The following GUSB variants were observed in gnomAD, a reference collection of about 807,000 sequenced individuals.
GUSB encodes the protein beta-glucuronidase.
Under a neutral mutation model 74.6 loss-of-function variants are expected in GUSB, and 51 were observed. The ratio of observed to expected loss-of-function variants is 0.68; its 90% CI spans 0.55 to 0.86. The LOEUF is 0.86. Ranked by LOEUF, GUSB falls within the 40% of genes least tolerant of loss-of-function variation. The probability of loss-of-function intolerance (pLI) is 0.00; values close to 1 mark genes in which losing one functional copy is unlikely to be tolerated. For missense variants in GUSB, 736 were observed against 853.7 expected, an observed-to-expected ratio of 0.86 and a Z score of 1.72; for synonymous variants, 360 against 348.3, an observed-to-expected ratio of 1.03 and a Z score of -0.37.
chr7:65,970,138 G>A (rs1369923993), intron 9 of GUSB, 144 bp downstream of exon 9: 3 of 665,056 alleles, frequency 4.5e-6, no homozygotes, highest in South Asian at 3.1e-5. Flanking sequence ...GCAAGACCCT[G>A]TCTCTATCTT....
intron 1 of GUSB, among the ~76,000 whole-genome samples, chr7:65,981,364 T>G (rs952387289): frequency 4.0e-5 from 6 of 151,854 alleles, no homozygotes; most frequent in Non-Finnish European, 7.4e-5. Context: ...CCCAAGTAGC[T>G]GGGATTACAG....
At chr7:65,981,848 G>T in intron 1 of GUSB, 126 bp downstream of exon 1, 1 of 841,574 alleles carries the variant, frequency 1.2e-6, no homozygotes, top group Non-Finnish European at 1.8e-6. Context: ...CAAGCCCGTT[G>T]ACCTTTAACC....
intron 4 of GUSB, 146 bp downstream of exon 4, chr7:65,979,253 G>C (rs1934653718): frequency 1.1e-6 from 1 of 892,222 alleles, no homozygotes; most frequent in Non-Finnish European, 1.9e-6. Flanking sequence ...CGCTCACACA[G>C]GCTGAATTTT....
Position 65,960,818 on chromosome 7 carries a change from C to T in GUSB, c.*79G>A, listed in dbSNP as rs1023590215. The T allele has an allele frequency of 8.3e-6, 10 of 1,205,158 alleles. No individual in the cohort carries two copies. In the African/African-American group the frequency reaches 1.5e-4, roughly 18 times the overall value. 74.7% of individuals were successfully genotyped at this position (1,205,158 alleles called of 1,614,324 possible). A position where few individuals can be genotyped will look rare whatever the true frequency, so the allele number is the denominator to read the frequency against. On this transcript the variant is annotated 3_prime_UTR_variant, in exon 12 of 12. Transcript: ENST00000304895. ...AACGTTCTGGTCTGCCGTGAACAGT[C>T]CAGGAGGCACTTGTTCTGCTGCTGT... is the stretch of plus-strand genomic sequence containing the variant.
At chr7:65,963,884 A>C (rs1240821617) in intron 11 of GUSB, among the ~76,000 whole-genome samples, 6 of 152,192 alleles carry the variant, frequency 3.9e-5, no homozygotes, top group African/African-American at 1.4e-4. Context: ...AGATGCGTTG[A>C]AACTCACCTG....
intron 10 of GUSB, among the ~76,000 whole-genome samples, chr7:65,965,598 T>C (rs1260237131): frequency 6.6e-6 from 1 of 152,164 alleles, no homozygotes; most frequent in Non-Finnish European, 1.5e-5. Flanking sequence ...GGTGCAATCA[T>C]AGCTGAATGC....
At chr7:65,973,418 C>T (rs1791344499) in intron 8 of GUSB, among the ~76,000 whole-genome samples, 1 of 152,270 alleles carries the variant, frequency 6.6e-6, no homozygotes, top group Non-Finnish European at 1.5e-5. Context: ...GAAACCCCGT[C>T]TCTGCTAAAA....
Position 65,976,369 on chromosome 7 carries a change from A to G in GUSB, c.725-167T>C, listed in dbSNP as rs75767674. ...GAGACGGAGTCTCACTCTGTCCCCC[A>G]GGCTGGAGTGCAGTGGCATGATCTC... On this transcript the variant is annotated intron_variant, in intron 4 of 11. Coordinates refer to ENST00000304895, the MANE Select transcript of GUSB (RefSeq NM_000181.4). Among the ~76,000 whole-genome samples the G allele has an allele frequency of 3.3e-4, 50 of 151,394 alleles. 1 individual carries two copies. In the East Asian group the frequency reaches 9.0e-3, roughly 27 times the overall value.
rs117710913 is a variant in GUSB at position 65,978,910 on chromosome 7, C to T, written c.724+489G>A. On this transcript the variant is annotated intron_variant, in intron 4 of 11. Transcript: ENST00000304895. ...CTCCTGCCTCAGCAGCTGGGACTAC[C>T]GGCACACATCACCATCCCTGGCTAA... Among the ~76,000 whole-genome samples, 8 of 152,204 alleles carry T rather than the reference C, an allele frequency of 5.3e-5. No individual in the cohort carries two copies. In the East Asian group the frequency reaches 1.4e-3, roughly 26 times the overall value.
At chr7:65,973,176 G>A (rs1791326801) in intron 8 of GUSB, among the ~76,000 whole-genome samples, 1 of 152,176 alleles carries the variant, frequency 6.6e-6, no homozygotes, top group Non-Finnish European at 1.5e-5. Flanking sequence ...AATTAGCCGG[G>A]CACGGTGGCT....
In GUSB at chr7:65,982,162, C is replaced by A. The variant is rs376505707; in HGVS notation, c.22G>T (p.Ala8Ser). 22 of 1,518,962 alleles carry A rather than the reference C, an allele frequency of 1.4e-5. No homozygotes were observed. Among genetic ancestry groups the A allele is most frequent in the African/African-American group, 7.1e-5 (5 of 70,286 alleles). 94.1% of individuals were successfully genotyped at this position (1,518,962 alleles called of 1,614,324 possible). The change falls in exon 1 of 12, where the codon GCC becomes TCC. Residue 8 changes from alanine (A) to serine (S), a missense_variant. Physicochemically the swap from Ala to Ser is moderately conservative, Grantham distance 99. This residue lies in a region of GUSB where 368 missense variants were observed against 363.8 expected (regional missense o/e 1.01). Coordinates refer to ENST00000304895, the MANE Select transcript of GUSB (RefSeq NM_000181.4). MARGSAV[A>S]WAALGPLLWG... ...AACAACGGCCCGAGCGCCGCCCAGGCAACCGCCGACCCCCGGGCCATGCTT... is the reference window on the plus strand; with the variant it reads ...AACAACGGCCCGAGCGCCGCCCAGGAAACCGCCGACCCCCGGGCCATGCTT...
chr7:65,975,118 C>T (rs780846148), intron 5 of GUSB, 47 bp from the exon 6 acceptor site: 1 of 1,590,016 alleles, frequency 6.3e-7, no homozygotes, highest in Non-Finnish European at 8.6e-7. Context: ...CAGCCTGAGC[C>T]CCATCCGGCC....
At chr7:65,965,074 AATAT>A (rs560915826) in intron 10 of GUSB, among the ~76,000 whole-genome samples, 1 of 118,592 alleles carries the variant, frequency 8.4e-6, no homozygotes, top group Non-Finnish European at 1.8e-5. Flanking sequence ...GTCTCTAATA[AATAT>A]ATATATATAT....
intron 9 of GUSB, among the ~76,000 whole-genome samples, chr7:65,968,230 C>CAA (rs60554800): frequency 1.7e-3 from 214 of 123,314 alleles, no homozygotes; most frequent in Admixed American, 4.6e-3. Flanking sequence ...CCATTTCTAC[C>CAA]AAAAAAAAAA....
chr7:65,979,442 G>A lies in GUSB; in HGVS notation c.681C>T (p.Tyr227=), dbSNP rs1791831745. Residue 227 remains tyrosine (Y), a synonymous_variant, in exon 4 of 12, where the codon TAC becomes TAT. Transcript: ENST00000304895. ...TGGTGGTGACGGTGATGTCATCGAT[G>A]TAGGTGGTGGGTGTCGTGTACAGAA... ...SVLLYTTPTT[Y]IDDITVTTSV... is the part of the protein sequence containing the mutation. The A allele has an allele frequency of 6.2e-7, 1 of 1,613,866 alleles. No homozygotes were observed. The highest frequency in any genetic ancestry group is 8.5e-7 in the Non-Finnish European group (1 of 1,179,858).
At chr7:65,964,714 C>T (rs1430692743) in intron 10 of GUSB, among the ~76,000 whole-genome samples, 1 of 152,106 alleles carries the variant, frequency 6.6e-6, no homozygotes, top group Non-Finnish European at 1.5e-5. Context: ...ATTCGTTTCA[C>T]ATTACTTTTC....
intron 8 of GUSB, among the ~76,000 whole-genome samples, chr7:65,972,019 A>C (rs1791245526): frequency 6.6e-6 from 1 of 152,166 alleles, no homozygotes; most frequent in African/African-American, 2.4e-5. Context: ...AGCCTGGGCA[A>C]CAAGTGCAAA....
In GUSB at chr7:65,962,828, C is replaced by T. The variant is rs995346129; in HGVS notation, c.1789+1495G>A. Among the ~76,000 whole-genome samples, 9 of 151,554 alleles carry T rather than the reference C, an allele frequency of 5.9e-5. No homozygotes were observed. The South Asian group carries it at 1.5e-3, about 25-fold the overall frequency. The stretch of plus-strand genomic sequence containing the variant: ...TGGAGGTTGCAGTAGGCTGAGATAG[C>T]GCCACTGCACTCCAGCCTGGGAAAC... On this transcript the variant is annotated intron_variant, in intron 11 of 11. Transcript: ENST00000304895.
chr7:65,979,259 AT>A, intron 4 of GUSB, 139 bp downstream of exon 4: 2 of 937,098 alleles, frequency 2.1e-6, no homozygotes, highest in Admixed American at 1.7e-5. Context: ...CACAGGCTGA[AT>A]TTTAGCTTCA....
Sources: allele counts gnomAD v4.1 joint callset (sites outside exome capture counted in the v4.1 genomes callset), GRCh38; gene constraint gnomAD v4.1.1; regional missense constraint gnomAD v4.1.1; transcripts MANE v1.5; gene names NCBI Gene and HGNC (gene_info 2026-07-23, HGNC 2026-07-21).